Variants in AKAP6 observed in about 807,000 individuals in gnomAD.
AKAP6 encodes the protein A-kinase anchor protein 6.
AKAP6 carries 58 observed loss-of-function variants against 188.5 expected under a neutral mutation model. That is an observed-to-expected ratio of 0.31 (90% confidence interval 0.25 to 0.38). AKAP6 has a LOEUF of 0.38. Among genes scored for constraint, AKAP6 ranks in the 10% least tolerant of loss-of-function variants. AKAP6 has a pLI of 1.00. For missense variants in AKAP6, 2,710 were observed against 2,740.0 expected (o/e 0.99, Z 0.24); for synonymous variants, 989 against 998.6 (o/e 0.99, Z 0.18).
intron 3 of AKAP6, among the ~76,000 whole-genome samples, chr14:32,542,947 A>C (rs1883026702): frequency 6.6e-6 from 1 of 152,246 alleles, no homozygotes; most frequent in African/African-American, 2.4e-5. Flanking sequence ...ACATATTTAT[A>C]GGGTACAGTG....
chr14:32,527,139 T>C (rs1566556641), intron 2 of AKAP6, among the ~76,000 whole-genome samples: 1 of 152,238 alleles, frequency 6.6e-6, no homozygotes, highest in Non-Finnish European at 1.5e-5. Flanking sequence ...CCAAACGGTC[T>C]GGGAGCCACT....
At chr14:32,468,740 G>T (rs1313689584) in intron 2 of AKAP6, among the ~76,000 whole-genome samples, 2 of 151,612 alleles carry the variant, frequency 1.3e-5, no homozygotes, top group East Asian at 1.9e-4. Flanking sequence ...TGTTGTTTTC[G>T]TCTCATCAAA....
intron 7 of AKAP6, among the ~76,000 whole-genome samples, chr14:32,675,199 C>G (rs1889377020): frequency 6.6e-6 from 1 of 152,138 alleles, no homozygotes; most frequent in Non-Finnish European, 1.5e-5. Context: ...TTCTCCCATC[C>G]ACTTGAATTG....
At chr14:32,437,529 A>G (rs1415418070) in intron 2 of AKAP6, among the ~76,000 whole-genome samples, 1 of 152,086 alleles carries the variant, frequency 6.6e-6, no homozygotes, top group Non-Finnish European at 1.5e-5. Flanking sequence ...CAAATAAGCC[A>G]TTCCTGATCC....
intron 2 of AKAP6, among the ~76,000 whole-genome samples, chr14:32,488,383 C>G (rs1879816609): frequency 6.6e-6 from 1 of 152,158 alleles, no homozygotes; most frequent in African/African-American, 2.4e-5. Flanking sequence ...CTACCCCCAC[C>G]AAGCTGGAGC....
chr14:32,500,667 T>C (rs944489144), intron 2 of AKAP6, among the ~76,000 whole-genome samples: 11 of 152,138 alleles, frequency 7.2e-5, no homozygotes, highest in African/African-American at 2.7e-4. Context: ...TGTACTTTAG[T>C]CTTAATTACC....
intron 8 of AKAP6, among the ~76,000 whole-genome samples, chr14:32,684,011 A>G (rs1300086505): frequency 1.9e-4 from 29 of 152,216 alleles, no homozygotes; most frequent in Non-Finnish European, 4.1e-4. Flanking sequence ...TGGGCACTCT[A>G]GGAGACAGAT....
At chr14:32,596,968 G>C (rs1179873803) in intron 5 of AKAP6, among the ~76,000 whole-genome samples, 1 of 152,036 alleles carries the variant, frequency 6.6e-6, no homozygotes, top group Non-Finnish European at 1.5e-5. Context: ...TATTATTAAT[G>C]GTTAATGGGT....
Position 32,545,180 on chromosome 14 carries a change from G to A in AKAP6, c.577-50G>A, listed in dbSNP as rs765015305. 1.3e-5 allele frequency: 20 copies of A among 1,523,676 alleles called. No individual in the cohort carries two copies. In the Admixed American group the frequency reaches 1.7e-4, roughly 13 times the overall value. The allele number at this position is 1,523,676 out of a possible 1,614,324, so 94.4% of individuals were successfully genotyped here. ...CAATTTCATTTACATAGCAGCTGAT[G>A]TTGTAATTGATGTTGCATTTACTGA... On this transcript the variant is annotated intron_variant, in intron 3 of 13. Transcript: ENST00000280979.
At chr14:32,443,910 C>A (rs1890673938) in intron 2 of AKAP6, among the ~76,000 whole-genome samples, 2 of 152,062 alleles carry the variant, frequency 1.3e-5, no homozygotes, top group Admixed American at 1.3e-4. Context: ...TATTTTACAT[C>A]GTCATGAGAG....
intron 9 of AKAP6, among the ~76,000 whole-genome samples, chr14:32,729,838 T>G (rs1301339742): frequency 6.6e-6 from 1 of 152,140 alleles, no homozygotes. Context: ...TGAAGAGTAG[T>G]CTATATCATA....
At chr14:32,492,355 T>TATATATATATATATATATAGAGAG in intron 2 of AKAP6, among the ~76,000 whole-genome samples, 191 of 82,538 alleles carry the variant, frequency 2.3e-3, no homozygotes, top group Non-Finnish European at 3.6e-3. Context: ...TATATATATA[T>TATATATATATATATATATAGAGAG]AGAGAGAGAG....
At chr14:32,361,897 G>C (rs1887677685) in intron 1 of AKAP6, among the ~76,000 whole-genome samples, 1 of 151,948 alleles carries the variant, frequency 6.6e-6, no homozygotes, top group African/African-American at 2.4e-5. Context: ...CCGGTTGCGG[G>C]GGCTCTTCTG....
In AKAP6 at chr14:32,822,504, A is replaced by G. The variant is rs774193863; in HGVS notation, c.4691A>G (p.His1564Arg). Residue 1564 changes from histidine to arginine, a missense_variant, in exon 13 of 14, where the codon CAT (histidine) becomes CGT (arginine). This residue lies in a region of AKAP6 where 2,473 missense variants were observed against 2,426.1 expected (regional missense o/e 1.02). Coordinates refer to ENST00000280979, the MANE Select transcript of AKAP6 (RefSeq NM_004274.5). ...QNAKQLSLLS[H>R]SSSIESLSPG... ...GCCAAACAGCTCTCCCTTTTATCTC[A>G]TAGTTCATCTATTGAGTCCCTTTCT... The G allele has an allele frequency of 3.7e-6, 6 of 1,612,054 alleles. No individual in the cohort carries two copies. Among genetic ancestry groups the G allele is most frequent in the African/African-American group, 2.7e-5 (2 of 74,868 alleles).
chr14:32,588,207 A>G (rs1158578719), intron 5 of AKAP6, among the ~76,000 whole-genome samples: 2 of 152,244 alleles, frequency 1.3e-5, no homozygotes, highest in Non-Finnish European at 2.9e-5. Flanking sequence ...GCTGTTCAAC[A>G]ACTGGCTTTT....
chr14:32,644,877 A>G (rs1887921043), intron 7 of AKAP6, among the ~76,000 whole-genome samples: 1 of 152,186 alleles, frequency 6.6e-6, no homozygotes, highest in Admixed American at 6.6e-5. Flanking sequence ...CTTTGTCAGG[A>G]TAGACCTCTG....
chr14:32,492,744 T>TA (rs1880103257), intron 2 of AKAP6, among the ~76,000 whole-genome samples: 1 of 152,112 alleles, frequency 6.6e-6, no homozygotes, highest in Non-Finnish European at 1.5e-5. Flanking sequence ...CTAATATAGA[T>TA]AAAATCTAGT....
At chr14:32,332,616 T>G (rs901553828) in intron 1 of AKAP6, among the ~76,000 whole-genome samples, 6 of 152,252 alleles carry the variant, frequency 3.9e-5, no homozygotes, top group African/African-American at 1.4e-4. Context: ...AGCTTTGTTA[T>G]AAACCTGTCT....
intron 11 of AKAP6, among the ~76,000 whole-genome samples, chr14:32,751,689 A>G (rs547348135): frequency 2.0e-5 from 3 of 151,128 alleles, no homozygotes; most frequent in East Asian, 1.9e-4. Flanking sequence ...AAAAAAATCT[A>G]TTTTTATTTT....
Sources: allele counts gnomAD v4.1 joint callset (sites outside exome capture counted in the v4.1 genomes callset), GRCh38; gene constraint gnomAD v4.1.1; regional missense constraint gnomAD v4.1.1; transcripts MANE v1.5; gene names NCBI Gene and HGNC (gene_info 2026-07-23, HGNC 2026-07-21).